KCNN2: variants seen among roughly 807,000 people sequenced by gnomAD.
The protein encoded by KCNN2 is small conductance calcium-activated potassium channel protein 2.
In KCNN2, 24 loss-of-function variants were observed where a neutral mutation model predicts 55.5. The observed-to-expected ratio is 0.43, with a 90% CI of 0.31 to 0.61. The LOEUF is 0.61. Ranked by LOEUF, KCNN2 falls within the 20% of genes least tolerant of loss-of-function variation. The probability of loss-of-function intolerance (pLI) is 0.08; values close to 1 mark genes in which losing one functional copy is unlikely to be tolerated. For missense variants in KCNN2, 754 were observed against 853.6 expected (o/e 0.88, Z 1.45); for synonymous variants, 431 against 336.1 (o/e 1.28, Z -3.09).
chr5:114,203,439 G>T (rs1158380386), intron 1 of KCNN2, among the ~76,000 whole-genome samples: 1 of 152,032 alleles, frequency 6.6e-6, no homozygotes, highest in African/African-American at 2.4e-5. Context: ...TTTACTTAGG[G>T]AATTTGAATT....
At chr5:114,255,691 G>A (rs1001544113) in intron 2 of KCNN2, among the ~76,000 whole-genome samples, 3 of 152,120 alleles carry the variant, frequency 2.0e-5, no homozygotes, top group African/African-American at 7.2e-5. Flanking sequence ...AGAAGGGTGA[G>A]GTTGGAGGCA....
At chr5:114,395,195 T>A (rs1199481939) in intron 2 of KCNN2, among the ~76,000 whole-genome samples, 1 of 152,216 alleles carries the variant, frequency 6.6e-6, no homozygotes, top group African/African-American at 2.4e-5. Flanking sequence ...TACCTCTTTG[T>A]GGGCAGGCCC....
At chr5:114,348,296 G>T (rs987762517) in intron 2 of KCNN2, among the ~76,000 whole-genome samples, 1 of 144,944 alleles carries the variant, frequency 6.9e-6, no homozygotes. Context: ...GGGGGAGGGA[G>T]AGCATTAGGA....
upstream of KCNN2, among the ~76,000 whole-genome samples, chr5:114,358,089 A>G (rs946314471): frequency 1.1e-4 from 17 of 151,360 alleles, no homozygotes; most frequent in Non-Finnish European, 1.2e-4. Flanking sequence ...TTGGCTGCAT[A>G]AATGTCTTCC....
At chr5:114,360,182 A>AC (rs754119433), upstream of KCNN2, among the ~76,000 whole-genome samples, 2 of 152,108 alleles carry the variant, frequency 1.3e-5, no homozygotes, top group Admixed American at 6.5e-5. Context: ...GCAGCTGTGC[A>AC]CCCCCCACCC....
chr5:114,449,902 ACACACACG>A (rs70976345), intron 3 of KCNN2, among the ~76,000 whole-genome samples: 28,520 of 80,392 alleles, frequency 0.35, 3,163 homozygotes, highest in East Asian at 0.51. Context: ...ACACACACAC[ACACACACG>A]CGCGCGCTCG....
At position 114,065,395 on chromosome 5, in the gene KCNN2, G is replaced by A. The variant is rs189610632; in HGVS notation, c.-271+8895G>A. ...AGTGGAAGGGCACCTATGTGTACAT[G>A]AGGTGCTTACCAAGAGACACAGAAA... On this transcript the variant is annotated intron_variant, in intron 1 of 10. Transcript: ENST00000512097. Among the ~76,000 whole-genome samples, 352 of 152,310 alleles carry A rather than the reference G, an allele frequency of 2.3e-3. 1 individual carries two copies. Among genetic ancestry groups the A allele is most frequent in the African/African-American group, 7.9e-3 (328 of 41,576 alleles).
At chr5:114,298,947 C>T (rs965084992) in intron 2 of KCNN2, among the ~76,000 whole-genome samples, 35 of 152,102 alleles carry the variant, frequency 2.3e-4, no homozygotes, top group Non-Finnish European at 2.1e-4. Flanking sequence ...TTAGGAAATG[C>T]AGTTGAAACT....
At chr5:114,067,169 C>A (rs1750469128) in intron 1 of KCNN2, among the ~76,000 whole-genome samples, 1 of 152,098 alleles carries the variant, frequency 6.6e-6, no homozygotes, top group Non-Finnish European at 1.5e-5. Flanking sequence ...GCCACAGGGA[C>A]CAGATAATTG....
intron 3 of KCNN2, among the ~76,000 whole-genome samples, chr5:114,454,919 T>G (rs1760853083): frequency 6.6e-6 from 1 of 152,274 alleles, no homozygotes; most frequent in Non-Finnish European, 1.5e-5. Context: ...AGACCATTTA[T>G]ATTTAATGTG....
chr5:114,416,631 T>TC (rs1332773952), intron 3 of KCNN2, among the ~76,000 whole-genome samples: 1 of 152,232 alleles, frequency 6.6e-6, no homozygotes. Context: ...GTGACTACTG[T>TC]CTAATATCTT....
intron 2 of KCNN2, among the ~76,000 whole-genome samples, chr5:114,335,071 C>T (rs1756897028): frequency 6.6e-6 from 1 of 152,228 alleles, no homozygotes; most frequent in South Asian, 2.1e-4. Flanking sequence ...CTACAGGCGC[C>T]CGCCTCCACG....
intron 2 of KCNN2, among the ~76,000 whole-genome samples, chr5:114,289,522 G>A (rs558757077): frequency 4.1e-4 from 62 of 151,974 alleles, no homozygotes; most frequent in African/African-American, 1.3e-3. Flanking sequence ...GATTACAGGC[G>A]TGCACCACCA....
chr5:114,251,807 G>GA (rs1357136972), intron 2 of KCNN2, among the ~76,000 whole-genome samples: 3 of 151,400 alleles, frequency 2.0e-5, no homozygotes, highest in African/African-American at 7.3e-5. Context: ...TATTTAACTG[G>GA]AAAAATAGAA....
intron 6 of KCNN2, 87 bp downstream of exon 6, chr5:114,487,264 A>T: frequency 8.2e-7 from 1 of 1,212,248 alleles, no homozygotes; most frequent in African/African-American, 1.5e-5. Flanking sequence ...ATAAGGAAGG[A>T]AAAAAGAAAA....
chr5:114,384,605 A>C (rs973809917), intron 2 of KCNN2, among the ~76,000 whole-genome samples: 7 of 152,176 alleles, frequency 4.6e-5, no homozygotes, highest in African/African-American at 1.7e-4. Flanking sequence ...TATTCGACCA[A>C]ATTAAGTGGC....
At position 114,218,239 on chromosome 5, in the gene KCNN2, A is replaced by G. The variant is rs1001326249; in HGVS notation, c.-270-3241A>G. On this transcript the variant is annotated intron_variant, in intron 1 of 10. Transcript: ENST00000512097. ...ATAGTAGTTGTGCTTCTTGATATTTACCCAAAGGAATAGAAAAGTTCTGTT... is the reference window on the plus strand; with the variant it reads ...ATAGTAGTTGTGCTTCTTGATATTTGCCCAAAGGAATAGAAAAGTTCTGTT... Among the ~76,000 whole-genome samples, 10 of 152,220 alleles carry G rather than the reference A, an allele frequency of 6.6e-5. 1 individual carries two copies. Among genetic ancestry groups the G allele is most frequent in the Admixed American group, 3.3e-4 (5 of 15,282 alleles).
intron 2 of KCNN2, among the ~76,000 whole-genome samples, chr5:114,291,809 A>G (rs1414846376): frequency 6.6e-6 from 1 of 152,228 alleles, no homozygotes; most frequent in Non-Finnish European, 1.5e-5. Context: ...TCCCACCAAC[A>G]GTGTAAAAGT....
chr5:114,064,062 A>C (rs1224889656), intron 1 of KCNN2, among the ~76,000 whole-genome samples: 4 of 152,182 alleles, frequency 2.6e-5, no homozygotes, highest in South Asian at 2.1e-4. Context: ...GCTTAACGAA[A>C]TGCTTGTGTT....
Sources: gnomAD v4.1 joint callset for allele counts (sites outside exome capture counted in the v4.1 genomes callset) on GRCh38, gnomAD v4.1.1 for gene constraint, MANE v1.5 for transcripts, NCBI Gene and HGNC (gene_info 2026-07-23, HGNC 2026-07-21) for gene names.